Variants in SMARCA2 observed in about 807,000 individuals in gnomAD.
SMARCA2 encodes SWI/SNF-related matrix-associated actin-dependent regulator of chromatin subfamily A member 2.
SMARCA2 carries 61 observed loss-of-function variants against 199.8 expected under a neutral mutation model. The ratio of observed to expected loss-of-function variants is 0.31; its 90% CI spans 0.25 to 0.38. The LOEUF (loss-of-function observed/expected upper bound fraction) is 0.38. Among genes scored for constraint, SMARCA2 ranks in the 10% least tolerant of loss-of-function variants. The pLI is 1.00. For synonymous variants in SMARCA2, 935 were observed against 732.0 expected (o/e 1.28, Z -4.48); for missense variants, 1,344 against 2,012.2 (o/e 0.67, Z 6.35).
chr9:2,143,133 A>C (rs1331360003), intron 27 of SMARCA2, among the ~76,000 whole-genome samples: 1 of 152,242 alleles, frequency 6.6e-6, no homozygotes. Flanking sequence ...AGGATGTTAT[A>C]AAAGAAATGG....
chr9:2,048,918 T>C (rs1819999014), intron 5 of SMARCA2, among the ~76,000 whole-genome samples: 1 of 152,228 alleles, frequency 6.6e-6, no homozygotes, highest in Non-Finnish European at 1.5e-5. Flanking sequence ...TATGTTACTG[T>C]TGAGTTTTTA....
chr9:2,172,278 T>C (rs1020250853), intron 29 of SMARCA2, among the ~76,000 whole-genome samples: 6 of 151,838 alleles, frequency 4.0e-5, no homozygotes, highest in Non-Finnish European at 1.5e-5. Context: ...TAAAGCACAA[T>C]TGGAAAGAGC....
chr9:2,063,372 C>T (rs1820686774), intron 9 of SMARCA2, among the ~76,000 whole-genome samples: 1 of 152,148 alleles, frequency 6.6e-6, no homozygotes, highest in African/African-American at 2.4e-5. Flanking sequence ...TTCTTCTTCC[C>T]TCCATTGCAG....
At chr9:2,186,278 A>G (rs760427590) in intron 32 of SMARCA2, 50 bp downstream of exon 32, 2 of 1,563,568 alleles carry the variant, frequency 1.3e-6, no homozygotes, top group Non-Finnish European at 1.7e-6. Flanking sequence ...CCTCACCTGC[A>G]TAGCTGTCTC....
At chr9:2,034,196 A>G (rs1480982752) in intron 3 of SMARCA2, among the ~76,000 whole-genome samples, 1 of 147,820 alleles carries the variant, frequency 6.8e-6, no homozygotes, top group Non-Finnish European at 1.5e-5. Flanking sequence ...GTGAGCCGAG[A>G]TCGCACCATT....
chr9:2,105,063 C>A (rs1822692072), intron 23 of SMARCA2, among the ~76,000 whole-genome samples: 1 of 152,138 alleles, frequency 6.6e-6, no homozygotes, highest in Non-Finnish European at 1.5e-5. Context: ...TATTTTCAAT[C>A]CAACATTTTG....
intron 18 of SMARCA2, chr9:2,087,357 G>A (rs1410989237): frequency 7.9e-6 from 3 of 380,728 alleles, no homozygotes; most frequent in Non-Finnish European, 1.4e-5. Context: ...TAACTGCAGT[G>A]GGCCACAGGG....
At chr9:2,030,489 G>T (rs1459267922) in intron 2 of SMARCA2, among the ~76,000 whole-genome samples, 3 of 151,026 alleles carry the variant, frequency 2.0e-5, no homozygotes, top group African/African-American at 7.3e-5. Flanking sequence ...GAGGGCAGGA[G>T]AAGACCCAGC....
At chr9:2,058,201 C>A in intron 7 of SMARCA2, 90 bp from the exon 8 acceptor site, 2 of 1,130,462 alleles carry the variant, frequency 1.8e-6, no homozygotes, top group Non-Finnish European at 2.6e-6. Context: ...TAAACACACA[C>A]TGAGAGTTTT....
In SMARCA2 at chr9:2,016,478, G is replaced by C. The variant is rs1417818169; in HGVS notation, c.-37+1074G>C. The C allele has an allele frequency of 2.6e-5, 4 of 152,542 alleles. No individual in the cohort carries two copies. The highest frequency in any genetic ancestry group is 4.4e-5 in the Non-Finnish European group (3 of 68,342). 9.4% of individuals were successfully genotyped at this position (152,542 alleles called of 1,614,324 possible). On this transcript the variant is annotated intron_variant, in intron 1 of 33. Transcript: ENST00000349721. This position sits in a 1 kb window ranked among gnomAD's most constrained non-coding sequence, Gnocchi z 5.6. ...CCTTGCTTGCGCCGCGGGAGCTGCG[G>C]GCGTGGGGCGCCTGCGATCGTCCGG... is the stretch of plus-strand genomic sequence containing the variant.
At chr9:2,055,727 T>G (rs1820324000) in intron 6 of SMARCA2, 1 of 152,222 alleles carries the variant, frequency 6.6e-6, no homozygotes, top group Non-Finnish European at 1.5e-5. Flanking sequence ...GATTTCAGCT[T>G]AAATTTTAAA....
chr9:2,095,057 A>G (rs1332709020), intron 19 of SMARCA2, among the ~76,000 whole-genome samples: 1 of 152,058 alleles, frequency 6.6e-6, no homozygotes, highest in Non-Finnish European at 1.5e-5. Context: ...CCTTGATACA[A>G]TTATACCTCA....
At chr9:2,061,829 C>A (rs760831568) in intron 9 of SMARCA2, among the ~76,000 whole-genome samples, 2 of 152,202 alleles carry the variant, frequency 1.3e-5, no homozygotes, top group African/African-American at 4.8e-5. Context: ...CAATTAATTT[C>A]ATGGCTCCTG....
chr9:2,110,306 T>C lies in SMARCA2; in HGVS notation c.3345T>C (p.Pro1115=). The C allele has an allele frequency of 6.2e-7, 1 of 1,613,668 alleles. No individual in the cohort carries two copies. The highest frequency in any genetic ancestry group is 8.5e-7 in the Non-Finnish European group (1 of 1,179,740). ...CTTTGCTGAAGAAATTCAATGAACC[T>C]GGATCCCAGTATTTCATTTTCTTGC... ...RAALLKKFNE[P]GSQYFIFLLS... is the part of the protein sequence containing the mutation. Residue 1115 remains proline (P), a synonymous_variant, in exon 24 of 34, where the codon CCT becomes CCC. Coordinates refer to ENST00000349721, the MANE Select transcript of SMARCA2 (RefSeq NM_003070.5). The surrounding 1 kb of genome is among the most constrained non-coding windows in gnomAD (Gnocchi z 4.8).
At chr9:2,113,439 T>G (rs1169552298) in intron 24 of SMARCA2, among the ~76,000 whole-genome samples, 4 of 152,202 alleles carry the variant, frequency 2.6e-5, no homozygotes, top group African/African-American at 9.7e-5. Context: ...TCAAGTATTA[T>G]CAGACCTAAG....
At chr9:2,188,656 A>C (rs1216942129) in intron 32 of SMARCA2, among the ~76,000 whole-genome samples, 1 of 152,218 alleles carries the variant, frequency 6.6e-6, no homozygotes, top group Non-Finnish European at 1.5e-5. Context: ...TATTGCTGCT[A>C]TAACAAATTA....
chr9:2,042,696 C>T (rs930062005), intron 4 of SMARCA2: 87 of 150,080 alleles, frequency 5.8e-4, no homozygotes, highest in African/African-American at 2.1e-3. Context: ...GTACCTACAT[C>T]TTTCGTCATC....
intron 27 of SMARCA2, chr9:2,158,253 T>C (rs1472612533): frequency 5.8e-6 from 1 of 170,988 alleles, no homozygotes; most frequent in East Asian, 1.5e-4. Context: ...TGAAATATGC[T>C]TAACTGTTTT....
chr9:2,169,180 C>T lies in SMARCA2; in HGVS notation c.4200-1239C>T, dbSNP rs1439387246. ...ACACCCGTTCACCTGCCTCCTCACC[C>T]CCTGTCTTCCTGAGGCCCTTGCACT... On this transcript the variant is annotated intron_variant, in intron 28 of 33. Transcript: ENST00000349721. The surrounding 1 kb of genome is among the most constrained non-coding windows in gnomAD (Gnocchi z 6.5). 6.6e-6 allele frequency among the ~76,000 whole-genome samples: 1 copy of T among 152,214 alleles called. No individual in the cohort carries two copies. The highest frequency in any genetic ancestry group is 1.5e-5 in the Non-Finnish European group (1 of 68,036).
Sources: gnomAD v4.1 joint callset for allele counts (sites outside exome capture counted in the v4.1 genomes callset) on GRCh38, gnomAD v4.1.1 for gene constraint, Gnocchi (gnomAD v3.1) non-coding constraint, MANE v1.5 for transcripts, NCBI Gene and HGNC (gene_info 2026-07-23, HGNC 2026-07-21) for gene names.